TRMT9B: variants seen among roughly 807,000 people sequenced by gnomAD.
TRMT9B encodes probable tRNA methyltransferase 9B.
In TRMT9B, 16 loss-of-function variants were observed where a neutral mutation model predicts 11.5. That is an observed-to-expected ratio of 1.39 (90% confidence interval 0.94 to 2.11). TRMT9B has a LOEUF of 2.11. TRMT9B is among the 30% of genes most tolerant of loss of function. The probability of loss-of-function intolerance (pLI) is 0.00; values close to 1 mark genes in which losing one functional copy is unlikely to be tolerated. For synonymous variants in TRMT9B, 274 were observed against 192.4 expected (o/e 1.42, Z -3.51); for missense variants, 941 against 553.8 (o/e 1.70, Z -7.02).
At chr8:12,990,269 C>T (rs1807104849) in intron 1 of TRMT9B, among the ~76,000 whole-genome samples, 2 of 152,136 alleles carry the variant, frequency 1.3e-5, no homozygotes, top group South Asian at 2.1e-4. Flanking sequence ...AGGCATCTCT[C>T]GAGATCTCAT....
intron 1 of TRMT9B, among the ~76,000 whole-genome samples, chr8:12,952,511 C>T (rs891291398): frequency 3.9e-5 from 6 of 152,184 alleles, no homozygotes; most frequent in African/African-American, 1.4e-4. Context: ...AATCAGAATT[C>T]AGAGATAAAG....
At chr8:12,955,468 T>C (rs1585066191) in intron 1 of TRMT9B, among the ~76,000 whole-genome samples, 1 of 152,156 alleles carries the variant, frequency 6.6e-6, no homozygotes, top group East Asian at 1.9e-4. Context: ...GATCATTATT[T>C]CCCAGCCTTT....
At position 13,024,390 on chromosome 8, in the gene TRMT9B, G is replaced by C. The variant is rs1814432909; in HGVS notation, c.*2346G>C. On this transcript the variant is annotated 3_prime_UTR_variant, in exon 5 of 5. Transcript: ENST00000524591. ...AGGACACTAAACCATGACTGCAAGGGATTTCCTTGGTAAAAAGAAAAGATT... is the reference window on the plus strand; with the variant it reads ...AGGACACTAAACCATGACTGCAAGGCATTTCCTTGGTAAAAAGAAAAGATT... 2 of 167,020 alleles carry C rather than the reference G, an allele frequency of 1.2e-5. No homozygotes were observed. The highest frequency in any genetic ancestry group is 4.8e-5 in the African/African-American group (2 of 41,448). 10.3% of individuals were successfully genotyped at this position (167,020 alleles called of 1,614,324 possible).
At chr8:12,954,251 T>C (rs1801010911) in intron 1 of TRMT9B, among the ~76,000 whole-genome samples, 2 of 152,202 alleles carry the variant, frequency 1.3e-5, no homozygotes, top group African/African-American at 4.8e-5. Context: ...GACCAGACCT[T>C]ATAGTATTTC....
At chr8:12,978,757 G>C (rs1804867096) in intron 1 of TRMT9B, among the ~76,000 whole-genome samples, 1 of 152,168 alleles carries the variant, frequency 6.6e-6, no homozygotes, top group Non-Finnish European at 1.5e-5. Context: ...CTGAGTCCAG[G>C]TTTTGATTTG....
At chr8:12,950,887 C>G (rs1416555934) in intron 1 of TRMT9B, among the ~76,000 whole-genome samples, 2 of 152,098 alleles carry the variant, frequency 1.3e-5, no homozygotes, top group African/African-American at 4.8e-5. Context: ...GAACTCTGCC[C>G]CCTACGCTGG....
At chr8:12,986,443 G>A (rs1322117306) in intron 1 of TRMT9B, among the ~76,000 whole-genome samples, 1 of 152,126 alleles carries the variant, frequency 6.6e-6, no homozygotes, top group Non-Finnish European at 1.5e-5. Context: ...CGTCAATTAT[G>A]GAACATATGT....
At chr8:12,951,544 G>T (rs1373340007) in intron 1 of TRMT9B, 1 of 152,118 alleles carries the variant, frequency 6.6e-6, no homozygotes, top group Non-Finnish European at 1.5e-5. Context: ...CTCACTTCCC[G>T]GGCACGTTCG....
intron 3 of TRMT9B, 85 bp downstream of exon 3, chr8:13,006,441 T>A: frequency 6.4e-7 from 1 of 1,555,918 alleles, no homozygotes; most frequent in South Asian, 1.3e-5. Flanking sequence ...ATCGCTGACA[T>A]AGGTAACCAG....
intron 1 of TRMT9B, among the ~76,000 whole-genome samples, chr8:12,946,288 G>C (rs1464866761): frequency 6.6e-6 from 1 of 152,140 alleles, no homozygotes; most frequent in Non-Finnish European, 1.5e-5. Flanking sequence ...CAGAAGAGCA[G>C]ATTAAGCAAT....
intron 2 of TRMT9B, among the ~76,000 whole-genome samples, chr8:13,005,033 C>T (rs1810179813): frequency 1.3e-5 from 2 of 150,750 alleles, no homozygotes; most frequent in African/African-American, 4.9e-5. Flanking sequence ...TTACACTGAG[C>T]CGAGATCATG....
chr8:13,024,588 A>G lies in TRMT9B; in HGVS notation c.*2544A>G, dbSNP rs1207888372. ...GCTAGCCTACCAGTTAAAAGTCAAG[A>G]CTTGGTGGAACTCAGTTTACCAGAC... On this transcript the variant is annotated 3_prime_UTR_variant, in exon 5 of 5. Transcript: ENST00000524591. The G allele has an allele frequency of 6.0e-6, 1 of 167,004 alleles. No individual in the cohort carries two copies. The highest frequency in any genetic ancestry group is 1.5e-5 in the Non-Finnish European group (1 of 68,116). 10.3% of individuals were successfully genotyped at this position (167,004 alleles called of 1,614,324 possible). A position where few individuals can be genotyped will look rare whatever the true frequency, so the allele number is the denominator to read the frequency against.
At chr8:13,012,511 G>T (rs1585368653) in intron 3 of TRMT9B, 173 bp from the exon 4 acceptor site, 1 of 802,566 alleles carries the variant, frequency 1.2e-6, no homozygotes, top group East Asian at 3.6e-5. Context: ...TGAGGCAGAG[G>T]TTGCAGTGAA....
intron 1 of TRMT9B, among the ~76,000 whole-genome samples, chr8:12,982,392 T>C (rs1300564094): frequency 6.6e-6 from 1 of 152,230 alleles, no homozygotes; most frequent in Non-Finnish European, 1.5e-5. Context: ...TCAGACACGG[T>C]GGCTTATGCC....
intron 2 of TRMT9B, among the ~76,000 whole-genome samples, chr8:12,998,916 G>C (rs912608203): frequency 1.3e-5 from 2 of 152,202 alleles, no homozygotes; most frequent in Non-Finnish European, 2.9e-5. Context: ...CAAATACTCA[G>C]AGTTGCCTTT....
At position 13,021,496 on chromosome 8, in the gene TRMT9B, AAC is replaced by A; in HGVS notation, c.821_822del (p.Thr274ArgfsTer6). On this transcript the variant is annotated frameshift_variant, in exon 5 of 5. Coordinates refer to ENST00000524591, the MANE Select transcript of TRMT9B (RefSeq NM_020844.3). LOFTEE classifies it low-confidence loss of function (END_TRUNC). Reference protein sequence around the residue: ...KQIERVRPLKNTEVWASSTVT... With the variant: ...KQIERVRPLKXTEVWASSTVT... ...AATTGAAAGAGTAAGACCCTTGAAA[AAC>A]ACAGAAGTTTGGGCCAGTAGCACTG... 6.2e-7 allele frequency: 1 copy of A among 1,613,614 alleles called. No homozygotes were observed. Among genetic ancestry groups the A allele is most frequent in the Non-Finnish European group, 8.5e-7 (1 of 1,179,596 alleles).
At chr8:12,978,232 C>T (rs1410024107) in intron 1 of TRMT9B, among the ~76,000 whole-genome samples, 1 of 152,180 alleles carries the variant, frequency 6.6e-6, no homozygotes, top group Admixed American at 6.5e-5. Flanking sequence ...TATCATCAAG[C>T]TCCTTGGCTG....
chr8:13,012,908 C>T (rs931812106), intron 4 of TRMT9B, 51 bp downstream of exon 4: 7 of 1,590,286 alleles, frequency 4.4e-6, no homozygotes, highest in South Asian at 2.3e-5. Context: ...ATAATTGACC[C>T]GGTTTAGTCC....
chr8:12,954,353 A>G (rs576730983), intron 1 of TRMT9B, among the ~76,000 whole-genome samples: 2 of 152,366 alleles, frequency 1.3e-5, no homozygotes, highest in East Asian at 1.9e-4. Context: ...TTTGAAACAC[A>G]TTTATGAAGA....
Sources: gnomAD v4.1 joint callset for allele counts (sites outside exome capture counted in the v4.1 genomes callset) on GRCh38, gnomAD v4.1.1 for gene constraint, MANE v1.5 for transcripts, NCBI Gene and HGNC (gene_info 2026-07-23, HGNC 2026-07-21) for gene names.